Variants in PCDHGA10 observed in about 807,000 individuals in gnomAD.
PCDHGA10 encodes the protein protocadherin gamma subfamily A, 10, also known as protocadherin gamma-A10.
A neutral mutation model predicts 59.5 loss-of-function variants in PCDHGA10; 42 were observed. The observed-to-expected ratio is 0.71, with a 90% confidence interval of 0.55 to 0.91. The LOEUF (loss-of-function observed/expected upper bound fraction) is 0.91, where lower values mean the gene tolerates loss of function less well. Ranked by LOEUF, PCDHGA10 falls within the 40% of genes least tolerant of loss-of-function variation. The pLI, the probability that PCDHGA10 is intolerant of heterozygous loss-of-function variation, is 0.00. For synonymous variants in PCDHGA10, 511 were observed against 517.2 expected (o/e 0.99, Z 0.16); for missense variants, 1,111 against 1,198.2 (o/e 0.93, Z 1.07).
At chr5:141,430,906 C>A (rs764039566) in intron 1 of PCDHGA10, 2 of 1,606,932 alleles carry the variant, frequency 1.2e-6, no homozygotes, top group Non-Finnish European at 1.7e-6. Flanking sequence ...GCGACATCTC[C>A]AGGGACCTGG....
chr5:141,474,405 G>C (rs2099348833), intron 1 of PCDHGA10, among the ~76,000 whole-genome samples: 1 of 152,196 alleles, frequency 6.6e-6, no homozygotes, highest in Admixed American at 6.5e-5. Context: ...AAGCTCCCCG[G>C]TGATGCCTAG....
intron 1 of PCDHGA10, among the ~76,000 whole-genome samples, chr5:141,455,133 CTG>C (rs2098814252): frequency 6.6e-6 from 1 of 151,392 alleles, no homozygotes; most frequent in African/African-American, 2.4e-5. Flanking sequence ...TTAAATTACA[CTG>C]TGTTAAATAA....
chr5:141,454,892 C>T (rs1389056318), intron 1 of PCDHGA10, among the ~76,000 whole-genome samples: 4 of 146,994 alleles, frequency 2.7e-5, no homozygotes, highest in Non-Finnish European at 5.9e-5. Context: ...ACTGCTAGCA[C>T]CGCCTCCCGG....
At chr5:141,495,278 C>A (rs2099760057) in intron 2 of PCDHGA10, among the ~76,000 whole-genome samples, 1 of 152,174 alleles carries the variant, frequency 6.6e-6, no homozygotes, top group Non-Finnish European at 1.5e-5. Context: ...CCGGAGGAGG[C>A]GGTCCGCACT....
chr5:141,469,573 CTAAA>C (rs1209972534), intron 1 of PCDHGA10, among the ~76,000 whole-genome samples: 2 of 151,554 alleles, frequency 1.3e-5, no homozygotes, highest in Non-Finnish European at 2.9e-5. Flanking sequence ...GACTCTGTCT[CTAAA>C]TAAATAAATA....
chr5:141,455,928 C>T (rs1160778812), intron 1 of PCDHGA10, among the ~76,000 whole-genome samples: 3 of 151,158 alleles, frequency 2.0e-5, no homozygotes, highest in African/African-American at 4.9e-5. Context: ...GACGGAGTCT[C>T]GCTCTGTCGC....
intron 1 of PCDHGA10, chr5:141,426,985 A>G (rs534298238): frequency 7.7e-5 from 35 of 456,646 alleles, no homozygotes; most frequent in Non-Finnish European, 1.3e-4. Context: ...ACTGATGCCA[A>G]CGATAATGCC....
rs538105673 is a variant in PCDHGA10, at chr5:141,427,796, C to T, written c.2436+12185C>T. On this transcript the variant is annotated intron_variant, in intron 1 of 3. Transcript: ENST00000398610. Reference sequence around the variant, plus strand: ...TGCGGGCACTGTCGTCCTACGTGTCCGTGAGCGCACAGAGCGGGGTGGTGG... The same window carrying T: ...TGCGGGCACTGTCGTCCTACGTGTCTGTGAGCGCACAGAGCGGGGTGGTGG... The T allele has an allele frequency of 3.6e-4, 547 of 1,502,104 alleles. 5 individuals carry two copies. In the South Asian group the frequency reaches 5.9e-3, roughly 16 times the overall value. The allele number at this position is 1,502,104 out of a possible 1,614,324, so 93.0% of individuals were successfully genotyped here.
intron 1 of PCDHGA10, among the ~76,000 whole-genome samples, chr5:141,474,250 A>G (rs2099346141): frequency 6.6e-6 from 1 of 152,236 alleles, no homozygotes; most frequent in East Asian, 1.9e-4. Flanking sequence ...GGGGAAAAAA[A>G]GACTGATAAA....
At position 141,476,011 on chromosome 5, in the gene PCDHGA10, A is replaced by C. The variant is rs1415142555; in HGVS notation, c.2437-18796A>C. On this transcript the variant is annotated intron_variant, in intron 1 of 3. Coordinates refer to ENST00000398610, the MANE Select transcript of PCDHGA10 (RefSeq NM_018913.3). This position sits in a 1 kb window ranked among gnomAD's most constrained non-coding sequence, Gnocchi z 7.6. The stretch of plus-strand genomic sequence containing the variant: ...GCAAATCAACGGCATCCAGAAAGCC[A>C]TGTCGGACTCGGCGCCCAGCGCCCA... 2.3e-6 allele frequency: 3 copies of C among 1,311,164 alleles called. No homozygotes were observed. Among genetic ancestry groups the C allele is most frequent in the African/African-American group, 1.5e-5 (1 of 68,020 alleles). 81.2% of individuals were successfully genotyped at this position (1,311,164 alleles called of 1,614,324 possible).
In PCDHGA10 at chr5:141,423,512, C is replaced by T. The variant is rs765694240; in HGVS notation, c.2436+7901C>T. 55 of 1,613,552 alleles carry T rather than the reference C, an allele frequency of 3.4e-5. No individual in the cohort carries two copies. The highest frequency in any genetic ancestry group is 2.8e-4 in the African/African-American group (21 of 74,924). On this transcript the variant is annotated intron_variant, in intron 1 of 3. Coordinates refer to ENST00000398610, the MANE Select transcript of PCDHGA10 (RefSeq NM_018913.3). ...TATTCCCACGAGGTCTCTCTCATTGCGGACTCGCAGAAGAGTCACCTGATT... is the reference window on the plus strand; with the variant it reads ...TATTCCCACGAGGTCTCTCTCATTGTGGACTCGCAGAAGAGTCACCTGATT...
In PCDHGA10 at chr5:141,413,337, G is replaced by A; in HGVS notation, c.162G>A (p.Lys54=). The part of the protein sequence containing the change: ...EKGSFVGNIS[K]DLGLAPRELA... ...GCTCTTTCGTGGGCAACATCTCCAA[G>A]GACTTGGGTCTGGCGCCCCGGGAGC... Residue 54 remains lysine, a synonymous_variant, in exon 1 of 4, where the codon AAG becomes AAA. Transcript: ENST00000398610. The A allele has an allele frequency of 6.2e-7, 1 of 1,613,978 alleles. No individual in the cohort carries two copies. The highest frequency in any genetic ancestry group is 8.5e-7 in the Non-Finnish European group (1 of 1,179,900).
Position 141,489,606 on chromosome 5 carries a change from G to A in PCDHGA10, c.2437-5201G>A. The stretch of plus-strand genomic sequence containing the variant: ...TGGAGCTAATCCGTGTAGAGGTAGA[G>A]ATCCTGGATCTCAATGACAACTCTC... On this transcript the variant is annotated intron_variant, in intron 1 of 3. Coordinates refer to ENST00000398610, the MANE Select transcript of PCDHGA10 (RefSeq NM_018913.3). This position sits in a 1 kb window ranked among gnomAD's most constrained non-coding sequence, Gnocchi z 4.5. The A allele has an allele frequency of 6.2e-7, 1 of 1,614,110 alleles. No homozygotes were observed.
chr5:141,427,936 G>A, intron 1 of PCDHGA10: 1 of 1,584,966 alleles, frequency 6.3e-7, no homozygotes, highest in Admixed American at 1.7e-5. Context: ...ATGTTGGTGG[G>A]CGACCTCAAT....
rs889285153 is a variant in PCDHGA10, at chr5:141,494,978, T to C, written c.2495+113T>C. ...TGCTACAGATGGCTTCTCCCTCAGT[T>C]TGAGATCCCAGGGAGGTCTTGGTGT... On this transcript the variant is annotated intron_variant, in intron 2 of 3. Transcript: ENST00000398610. 7.6e-6 allele frequency: 12 copies of C among 1,572,974 alleles called. No homozygotes were observed. In the Admixed American group the frequency reaches 1.3e-4, roughly 17 times the overall value.
chr5:141,432,343 G>C lies in PCDHGA10; in HGVS notation c.2436+16732G>C, dbSNP rs1174646711. 3 of 1,614,130 alleles carry C rather than the reference G, an allele frequency of 1.9e-6. No homozygotes were observed. On this transcript the variant is annotated intron_variant, in intron 1 of 3. Coordinates refer to ENST00000398610, the MANE Select transcript of PCDHGA10 (RefSeq NM_018913.3). This position sits in a 1 kb window ranked among gnomAD's most constrained non-coding sequence, Gnocchi z 6.0. ...TCGACTACGAGCAGTTCCGAGACTTGCAAGTGAAAGTGATGGCGCGGGACA... is the reference window on the plus strand; with the variant it reads ...TCGACTACGAGCAGTTCCGAGACTTCCAAGTGAAAGTGATGGCGCGGGACA...
rs61612330 is a variant in PCDHGA10 at position 141,454,796 on chromosome 5, A to ATTTTTTTTT, written c.2436+39206_2436+39214dup. Among the ~76,000 whole-genome samples the ATTTTTTTTT allele has an allele frequency of 8.2e-3, 638 of 77,468 alleles. 91 individuals carry two copies. The highest frequency in any genetic ancestry group is 0.025 in the African/African-American group (426 of 16,886). 50.8% of individuals were successfully genotyped at this position (77,468 alleles called of 152,430 possible). On this transcript the variant is annotated intron_variant, in intron 1 of 3. Coordinates refer to ENST00000398610, the MANE Select transcript of PCDHGA10 (RefSeq NM_018913.3). ...AAGGAAATAATCCTCCATGGTTCTA[A>ATTTTTTTTT]TTTTTTTTTTTTTTTTTTTTTTTTT...
At chr5:141,423,533 T>C (rs2096751691) in intron 1 of PCDHGA10, 1 of 1,613,650 alleles carries the variant, frequency 6.2e-7, no homozygotes, top group Non-Finnish European at 8.5e-7. Flanking sequence ...AAGAGTCACC[T>C]GATTTTCCCC....
chr5:141,483,869 G>A (rs2099587910), intron 1 of PCDHGA10, among the ~76,000 whole-genome samples: 1 of 152,126 alleles, frequency 6.6e-6, no homozygotes, highest in South Asian at 2.1e-4. Flanking sequence ...GTCCAGATCA[G>A]GATGGATTTT....
Sources: allele counts gnomAD v4.1 joint callset (sites outside exome capture counted in the v4.1 genomes callset), GRCh38; gene constraint gnomAD v4.1.1; non-coding constraint Gnocchi (gnomAD v3.1); transcripts MANE v1.5; gene names NCBI Gene and HGNC (gene_info 2026-07-23, HGNC 2026-07-21).